Variants in COX10 observed in about 807,000 individuals in gnomAD.
COX10 encodes protoheme IX farnesyltransferase, mitochondrial.
COX10 carries 27 observed loss-of-function variants against 37.3 expected under a neutral mutation model. The ratio of observed to expected loss-of-function variants is 0.72; its 90% confidence interval spans 0.53 to 1.00. The LOEUF (loss-of-function observed/expected upper bound fraction) is 1.00, where lower values mean the gene tolerates loss of function less well. COX10 is among the 50% of genes least tolerant of loss of function. The probability of loss-of-function intolerance (pLI) is 0.00; values close to 1 mark genes in which losing one functional copy is unlikely to be tolerated. For synonymous variants in COX10, 222 were observed against 229.1 expected, an observed-to-expected ratio of 0.97 and a Z score of 0.28; for missense variants, 475 against 563.2, an observed-to-expected ratio of 0.84 and a Z score of 1.59.
chr17:14,147,158 A>G (rs1904744977), intron 4 of COX10, among the ~76,000 whole-genome samples: 1 of 152,124 alleles, frequency 6.6e-6, no homozygotes, highest in Non-Finnish European at 1.5e-5. Flanking sequence ...ATATACCCAA[A>G]AGAAAGGAAA....
intron 3 of COX10, among the ~76,000 whole-genome samples, chr17:14,077,799 T>C (rs1915190090): frequency 2.0e-5 from 3 of 152,134 alleles, no homozygotes; most frequent in Admixed American, 2.0e-4. Context: ...CTGAATATAA[T>C]GTATGAATAG....
At chr17:14,171,361 GT>G (rs1361676309) in intron 5 of COX10, among the ~76,000 whole-genome samples, 2 of 152,190 alleles carry the variant, frequency 1.3e-5, no homozygotes, top group Admixed American at 6.5e-5. Context: ...CAACAAATGT[GT>G]TTTTTTAGTG....
At chr17:14,132,224 T>G (rs1916483376) in intron 4 of COX10, among the ~76,000 whole-genome samples, 1 of 151,940 alleles carries the variant, frequency 6.6e-6, no homozygotes, top group African/African-American at 2.4e-5. Flanking sequence ...ATCAGGAATT[T>G]TTGATATTTG....
intron 4 of COX10, among the ~76,000 whole-genome samples, chr17:14,125,220 A>G (rs1916309154): frequency 6.6e-6 from 1 of 152,210 alleles, no homozygotes; most frequent in South Asian, 2.1e-4. Context: ...TATGCACTGA[A>G]AATAGAAGGC....
intron 4 of COX10, among the ~76,000 whole-genome samples, chr17:14,126,680 G>T (rs187501633): frequency 1.3e-5 from 2 of 152,206 alleles, no homozygotes; most frequent in African/African-American, 2.4e-5. Context: ...TGATATTAGG[G>T]TGTTGGTGGC....
At chr17:14,114,293 G>T (rs573961573) in intron 4 of COX10, among the ~76,000 whole-genome samples, 1 of 151,910 alleles carries the variant, frequency 6.6e-6, no homozygotes, top group East Asian at 1.9e-4. Flanking sequence ...CTTGAATTAG[G>T]CATTCAGCCA....
At chr17:14,071,730 C>CAA (rs57780115) in intron 1 of COX10, among the ~76,000 whole-genome samples, 68,933 of 113,196 alleles carry the variant, frequency 0.61, 21,447 homozygotes, top group Admixed American at 0.67. Context: ...CTAAAAATAC[C>CAA]AAAAAAAAAA....
At chr17:14,189,281 T>A (rs538370777) in intron 5 of COX10, among the ~76,000 whole-genome samples, 28 of 152,294 alleles carry the variant, frequency 1.8e-4, no homozygotes, top group Non-Finnish European at 3.2e-4. Context: ...TATTGGTTGT[T>A]GTTTCTACTG....
At chr17:14,093,057 T>C (rs1915562876) in intron 3 of COX10, among the ~76,000 whole-genome samples, 1 of 152,200 alleles carries the variant, frequency 6.6e-6, no homozygotes, top group Non-Finnish European at 1.5e-5. Context: ...CTCAAGTTTA[T>C]GGGACTTGGA....
intron 5 of COX10, among the ~76,000 whole-genome samples, chr17:14,188,923 C>CA (rs1405191487): frequency 6.9e-6 from 1 of 144,404 alleles, no homozygotes; most frequent in African/African-American, 2.6e-5. Flanking sequence ...TTCAGCATCC[C>CA]AAAAAACTAT....
intron 5 of COX10, among the ~76,000 whole-genome samples, chr17:14,188,283 C>T (rs1026942987): frequency 6.7e-6 from 1 of 149,542 alleles, no homozygotes; most frequent in African/African-American, 2.4e-5. Context: ...ATAATATGTG[C>T]ACTGCTTTTT....
intron 3 of COX10, 101 bp downstream of exon 3, chr17:14,077,157 C>A: frequency 1.8e-6 from 2 of 1,096,296 alleles, no homozygotes; most frequent in Non-Finnish European, 2.6e-6. Context: ...TTTGGAACTG[C>A]AGGTCCTGTC....
intron 6 of COX10, among the ~76,000 whole-genome samples, chr17:14,198,767 A>G (rs1223266738): frequency 6.6e-6 from 1 of 152,210 alleles, no homozygotes; most frequent in Non-Finnish European, 1.5e-5. Flanking sequence ...TCACTCACCC[A>G]TTCAACAAAT....
intron 6 of COX10, among the ~76,000 whole-genome samples, chr17:14,199,239 C>A (rs1488771852): frequency 1.3e-5 from 2 of 152,142 alleles, no homozygotes; most frequent in South Asian, 4.1e-4. Flanking sequence ...CCAGTGCCTT[C>A]CTGAATGAAC....
intron 2 of COX10, among the ~76,000 whole-genome samples, chr17:14,075,459 T>C (rs1444424208): frequency 6.6e-6 from 1 of 152,212 alleles, no homozygotes; most frequent in African/African-American, 2.4e-5. Flanking sequence ...TGGCTGTTGA[T>C]ATATCAGTTT....
chr17:14,076,929 C>G lies in COX10; in HGVS notation c.372C>G (p.Asp124Glu), dbSNP rs901162935. ...NEKELIELEP[D>E]SVIEDSIDVG... The stretch of plus-strand genomic sequence containing the variant: ...AGGAATTGATAGAACTAGAGCCAGA[C>G]TCAGTAATTGAAGACTCAATAGATG... The change falls in exon 3 of 7, where the codon GAC (aspartate) becomes GAG (glutamate). Residue 124 changes from aspartate to glutamate, a missense_variant. By Grantham distance (45) the Asp-to-Glu change is conservative. This residue lies in a region of COX10 where 242 missense variants were observed against 242.5 expected (regional missense o/e 1.00). Transcript: ENST00000261643. The G allele has an allele frequency of 6.2e-7, 1 of 1,613,996 alleles. No homozygotes were observed. Among genetic ancestry groups the G allele is most frequent in the Non-Finnish European group, 8.5e-7 (1 of 1,180,024 alleles).
At chr17:14,181,835 A>T (rs1905868811) in intron 5 of COX10, among the ~76,000 whole-genome samples, 1 of 152,176 alleles carries the variant, frequency 6.6e-6, no homozygotes, top group Admixed American at 6.5e-5. Flanking sequence ...CATAGCTGGG[A>T]CAGTAGGAAT....
At chr17:14,092,536 C>T (rs1915551518) in intron 3 of COX10, among the ~76,000 whole-genome samples, 1 of 151,976 alleles carries the variant, frequency 6.6e-6, no homozygotes, top group South Asian at 2.1e-4. Flanking sequence ...TGATTGATAC[C>T]TTTTAATATG....
At chr17:14,115,641 A>G (rs1916095804) in intron 4 of COX10, among the ~76,000 whole-genome samples, 1 of 152,194 alleles carries the variant, frequency 6.6e-6, no homozygotes, top group Non-Finnish European at 1.5e-5. Flanking sequence ...AGCGTCCATC[A>G]ATGGATGATT....
Sources: allele counts gnomAD v4.1 joint callset (sites outside exome capture counted in the v4.1 genomes callset), GRCh38; gene constraint gnomAD v4.1.1; regional missense constraint gnomAD v4.1.1; transcripts MANE v1.5; gene names NCBI Gene and HGNC (gene_info 2026-07-23, HGNC 2026-07-21).